CDK14: variants seen among roughly 807,000 people sequenced by gnomAD.
CDK14 encodes cyclin-dependent kinase 14.
Under a neutral mutation model 60.7 loss-of-function variants are expected in CDK14, and 34 were observed. The ratio of observed to expected loss-of-function variants is 0.56; its 90% confidence interval spans 0.43 to 0.75. The LOEUF is 0.75. Among genes scored for constraint, CDK14 ranks in the 30% least tolerant of loss-of-function variants. The pLI is 0.00. For synonymous variants in CDK14, 197 were observed against 203.7 expected (o/e 0.97, Z 0.28); for missense variants, 482 against 564.1 (o/e 0.85, Z 1.47).
In CDK14 at chr7:90,832,029, A is replaced by C. The variant is rs140182938; in HGVS notation, c.545-31146A>C. On this transcript the variant is annotated intron_variant, in intron 5 of 14. Coordinates refer to ENST00000380050, the MANE Select transcript of CDK14 (RefSeq NM_001287135.2). ...CAATCAGGTCTCTGCTCAAGAGATTACCTCCTCAAAGATGTCTTCAGAGAA... is the reference window on the plus strand; with the variant it reads ...CAATCAGGTCTCTGCTCAAGAGATTCCCTCCTCAAAGATGTCTTCAGAGAA... Among the ~76,000 whole-genome samples, 444 of 151,794 alleles carry C rather than the reference A, an allele frequency of 2.9e-3. 2 individuals are homozygous for C. Among genetic ancestry groups the C allele is most frequent in the African/African-American group, 0.01 (419 of 41,358 alleles).
At chr7:90,977,033 C>T (rs935746271) in intron 9 of CDK14, among the ~76,000 whole-genome samples, 5 of 152,028 alleles carry the variant, frequency 3.3e-5, no homozygotes, top group African/African-American at 1.2e-4. Context: ...AGATCAATGT[C>T]CTGTGTTTTC....
chr7:91,146,373 G>T (rs1162754634), intron 14 of CDK14, among the ~76,000 whole-genome samples: 2 of 152,122 alleles, frequency 1.3e-5, no homozygotes, highest in Non-Finnish European at 2.9e-5. Context: ...GCTAATTTTT[G>T]TATTTTTAGT....
At chr7:90,732,774 A>G (rs1272222189) in intron 3 of CDK14, among the ~76,000 whole-genome samples, 2 of 151,830 alleles carry the variant, frequency 1.3e-5, no homozygotes. Flanking sequence ...TATTTTGTTG[A>G]TCTTTCAAAA....
chr7:90,949,634 T>G (rs955425534), intron 8 of CDK14, among the ~76,000 whole-genome samples: 17 of 152,362 alleles, frequency 1.1e-4, no homozygotes, highest in African/African-American at 4.1e-4. Flanking sequence ...CAGTGTCTTC[T>G]GGACTTAATT....
At chr7:90,606,658 T>A (rs1799424652) in intron 2 of CDK14, among the ~76,000 whole-genome samples, 1 of 152,214 alleles carries the variant, frequency 6.6e-6, no homozygotes, top group African/African-American at 2.4e-5. Flanking sequence ...TGAGAAAATA[T>A]TATCTAAAAC....
chr7:91,180,251 A>G (rs1160781520), intron 14 of CDK14, among the ~76,000 whole-genome samples: 1 of 152,242 alleles, frequency 6.6e-6, no homozygotes, highest in African/African-American at 2.4e-5. Context: ...TACAAAATGC[A>G]TCACAAATTC....
chr7:91,120,113 A>G (rs1799736459), intron 14 of CDK14, among the ~76,000 whole-genome samples: 1 of 152,208 alleles, frequency 6.6e-6, no homozygotes, highest in African/African-American at 2.4e-5. Flanking sequence ...AGTGGACTTT[A>G]TTTGTGCTGC....
At chr7:90,795,007 A>C (rs1805998051) in intron 5 of CDK14, among the ~76,000 whole-genome samples, 1 of 152,184 alleles carries the variant, frequency 6.6e-6, no homozygotes, top group Non-Finnish European at 1.5e-5. Flanking sequence ...GCTTCCTGCA[A>C]CAGTTGTCTC....
At chr7:90,823,103 G>C (rs1232080149) in intron 5 of CDK14, among the ~76,000 whole-genome samples, 2 of 152,142 alleles carry the variant, frequency 1.3e-5, no homozygotes, top group African/African-American at 4.8e-5. Context: ...TTGGCCCTCT[G>C]TGTCCACCCT....
At chr7:90,886,074 TAAAAC>T (rs781305273) in intron 6 of CDK14, among the ~76,000 whole-genome samples, 1 of 152,208 alleles carries the variant, frequency 6.6e-6, no homozygotes, top group Non-Finnish European at 1.5e-5. Flanking sequence ...TTAAAATTCT[TAAAAC>T]AAATTCCATC....
intron 2 of CDK14, among the ~76,000 whole-genome samples, chr7:90,655,137 C>T (rs1419280930): frequency 6.6e-6 from 1 of 152,180 alleles, no homozygotes; most frequent in Admixed American, 6.5e-5. Context: ...CTTAAGGTTC[C>T]TCTATGTCTT....
intron 4 of CDK14, among the ~76,000 whole-genome samples, chr7:90,765,381 G>T (rs998225764): frequency 6.6e-6 from 1 of 152,194 alleles, no homozygotes; most frequent in Non-Finnish European, 1.5e-5. Flanking sequence ...TATCATCTCA[G>T]TGAAACAGAA....
chr7:90,757,514 G>T lies in CDK14; in HGVS notation c.464+9739G>T, dbSNP rs533660115. 6.6e-5 allele frequency among the ~76,000 whole-genome samples: 10 copies of T among 151,858 alleles called. No homozygotes were observed. The South Asian group carries it at 2.1e-3, about 32-fold the overall frequency. On this transcript the variant is annotated intron_variant, in intron 4 of 14. Transcript: ENST00000380050. ...TGTTCTTTTTCTGCCTGTAATACGTGTCATTCATCCTTTACCTATTGGTTC... is the reference window on the plus strand; with the variant it reads ...TGTTCTTTTTCTGCCTGTAATACGTTTCATTCATCCTTTACCTATTGGTTC...
intron 14 of CDK14, among the ~76,000 whole-genome samples, chr7:91,170,169 A>G (rs1801472923): frequency 6.6e-6 from 1 of 152,182 alleles, no homozygotes; most frequent in Admixed American, 6.5e-5. Flanking sequence ...TGATGCTATG[A>G]TAAGTTGTTC....
chr7:90,965,472 A>G (rs1205821357), intron 9 of CDK14, among the ~76,000 whole-genome samples: 2 of 152,192 alleles, frequency 1.3e-5, no homozygotes, highest in Admixed American at 6.5e-5. Flanking sequence ...GTCAGTAGAC[A>G]CTAATAACAC....
At chr7:90,610,246 C>T (rs879883071) in intron 2 of CDK14, among the ~76,000 whole-genome samples, 30 of 152,132 alleles carry the variant, frequency 2.0e-4, no homozygotes, top group Admixed American at 1.0e-3. Context: ...TTGTAATGTA[C>T]GCTGCCAGCC....
rs1795909802 is a variant in CDK14, at chr7:91,003,895, G to A, written c.1041+19654G>A. ...TTGCCCAGGGTGGTTATTTTAAAAT[G>A]TCAGATTATGCTGGTCCCCGTGTAT... On this transcript the variant is annotated intron_variant, in intron 10 of 14. Transcript: ENST00000380050. 2.6e-5 allele frequency among the ~76,000 whole-genome samples: 4 copies of A among 152,282 alleles called. No homozygotes were observed. In the South Asian group the frequency reaches 6.2e-4, roughly 24 times the overall value.
intron 4 of CDK14, among the ~76,000 whole-genome samples, chr7:90,769,759 G>A (rs1281148431): frequency 1.3e-5 from 2 of 152,112 alleles, no homozygotes; most frequent in Non-Finnish European, 2.9e-5. Flanking sequence ...GATCCTCTGC[G>A]CCTGGCTGAC....
intron 14 of CDK14, among the ~76,000 whole-genome samples, chr7:91,160,370 C>G (rs1168358276): frequency 6.6e-6 from 1 of 152,140 alleles, no homozygotes; most frequent in Non-Finnish European, 1.5e-5. Flanking sequence ...TTATAGATAC[C>G]TTGGGGACTG....
Sources: allele counts gnomAD v4.1 joint callset (sites outside exome capture counted in the v4.1 genomes callset), GRCh38; gene constraint gnomAD v4.1.1; transcripts MANE v1.5; gene names NCBI Gene and HGNC (gene_info 2026-07-23, HGNC 2026-07-21).